The following PPP6R3 variants were observed in gnomAD, a reference collection of about 807,000 sequenced individuals.
The protein encoded by PPP6R3 is protein phosphatase 6 regulatory subunit 3, also known as serine/threonine-protein phosphatase 6 regulatory subunit 3.
In PPP6R3, 38 loss-of-function variants were observed where a neutral mutation model predicts 110.7. The ratio of observed to expected loss-of-function variants is 0.34; its 90% CI spans 0.26 to 0.45. The LOEUF is 0.45. Ranked by LOEUF, PPP6R3 falls within the 20% of genes least tolerant of loss-of-function variation. PPP6R3 has a pLI of 1.00. For synonymous variants in PPP6R3, 369 were observed against 373.5 expected (o/e 0.99, Z 0.14); for missense variants, 870 against 1,062.4 (o/e 0.82, Z 2.52).
chr11:68,517,181 C>G (rs1271031514), intron 1 of PPP6R3, among the ~76,000 whole-genome samples: 1 of 151,028 alleles, frequency 6.6e-6, no homozygotes, highest in Non-Finnish European at 1.5e-5. Context: ...TTTAGGCTTT[C>G]AATTTTCTTT....
intron 2 of PPP6R3, among the ~76,000 whole-genome samples, chr11:68,525,609 G>T (rs1375026044): frequency 6.6e-6 from 1 of 152,158 alleles, no homozygotes; most frequent in Non-Finnish European, 1.5e-5. Flanking sequence ...AAGTTTGCTA[G>T]GGAAGGAAGA....
intron 1 of PPP6R3, among the ~76,000 whole-genome samples, chr11:68,486,603 TAAAAAAAAAAAAAA>T (rs61408861): frequency 9.0e-6 from 1 of 111,682 alleles, no homozygotes; most frequent in African/African-American, 3.5e-5. Flanking sequence ...GACTCTGTCT[TAAAAAAAAAAAAAA>T]AAAAAAAAAA....
At chr11:68,589,118 A>G (rs887640969) in intron 16 of PPP6R3, among the ~76,000 whole-genome samples, 1 of 152,074 alleles carries the variant, frequency 6.6e-6, no homozygotes, top group Non-Finnish European at 1.5e-5. Context: ...CTGAGGTGGG[A>G]GAATCACTTG....
chr11:68,573,695 C>G (rs1022185929), intron 12 of PPP6R3, among the ~76,000 whole-genome samples: 27 of 152,108 alleles, frequency 1.8e-4, no homozygotes, highest in African/African-American at 6.5e-4. Context: ...AATGAACCAG[C>G]AGAATTCTTA....
intron 16 of PPP6R3, among the ~76,000 whole-genome samples, 185 bp from the exon 17 acceptor site, chr11:68,590,475 A>G (rs758671935): frequency 3.9e-4 from 60 of 152,216 alleles, no homozygotes; most frequent in Non-Finnish European, 7.6e-4. Flanking sequence ...CCTATCCTAC[A>G]TAAATTCATT....
At chr11:68,576,604 G>A (rs558193688) in intron 14 of PPP6R3, among the ~76,000 whole-genome samples, 6 of 144,206 alleles carry the variant, frequency 4.2e-5, no homozygotes, top group Non-Finnish European at 9.0e-5. Flanking sequence ...ACTTTGGAAT[G>A]TATTTTTTGG....
At chr11:68,556,551 G>GAAAAA (rs779111990) in intron 7 of PPP6R3, among the ~76,000 whole-genome samples, 1 of 108,786 alleles carries the variant, frequency 9.2e-6, no homozygotes, top group Non-Finnish European at 2.0e-5. Flanking sequence ...AAAAAAAAAC[G>GAAAAA]AAAAAAAAAA....
chr11:68,523,496 T>C (rs993181527), intron 2 of PPP6R3, among the ~76,000 whole-genome samples: 6 of 152,126 alleles, frequency 3.9e-5, no homozygotes, highest in African/African-American at 1.4e-4. Context: ...GTTATGGTCC[T>C]TTTTTTGTGT....
At chr11:68,483,090 T>C (rs1013945215) in intron 1 of PPP6R3, among the ~76,000 whole-genome samples, 14 of 152,226 alleles carry the variant, frequency 9.2e-5, no homozygotes, top group Non-Finnish European at 7.3e-5. Flanking sequence ...TTTAGAATTA[T>C]ATTGTTTAGT....
chr11:68,506,240 G>C (rs1168122535), intron 1 of PPP6R3, among the ~76,000 whole-genome samples: 1 of 150,334 alleles, frequency 6.7e-6, no homozygotes, highest in African/African-American at 2.4e-5. Flanking sequence ...TGAATAGCTG[G>C]GACTATAGGC....
chr11:68,613,369 C>T lies in PPP6R3; in HGVS notation c.*252C>T. 1 of 1,201,228 alleles carries T rather than the reference C, an allele frequency of 8.3e-7. No individual in the cohort carries two copies. The highest frequency in any genetic ancestry group is 3.3e-4 in the Middle Eastern group (1 of 3,034). 74.4% of individuals were successfully genotyped at this position (1,201,228 alleles called of 1,614,324 possible). A position where few individuals can be genotyped will look rare whatever the true frequency, so the allele number is the denominator to read the frequency against. On this transcript the variant is annotated 3_prime_UTR_variant, in exon 24 of 24. Transcript: ENST00000393800. The stretch of plus-strand genomic sequence containing the variant: ...TGTATTGTTCTAAATAATGGGTAGC[C>T]TGTGAAATAAGATCTTGCCACCCAT...
intron 1 of PPP6R3, among the ~76,000 whole-genome samples, chr11:68,501,787 T>G (rs1166210921): frequency 6.6e-6 from 1 of 152,254 alleles, no homozygotes; most frequent in East Asian, 1.9e-4. Flanking sequence ...TACCAATTTT[T>G]GGCCACTAAT....
At chr11:68,613,032 C>G in intron 23 of PPP6R3, 34 bp from the exon 24 acceptor site, 1 of 1,614,090 alleles carries the variant, frequency 6.2e-7, no homozygotes, top group South Asian at 1.1e-5. Context: ...ATTTCTGCTG[C>G]AAGTGCCTCC....
intron 16 of PPP6R3, among the ~76,000 whole-genome samples, chr11:68,588,539 G>T (rs1306210505): frequency 6.6e-6 from 1 of 151,828 alleles, no homozygotes; most frequent in African/African-American, 2.4e-5. Context: ...CTCACTGCAA[G>T]CTCCACCTCC....
At chr11:68,609,755 G>T in intron 22 of PPP6R3, 149 bp from the exon 23 acceptor site, 3 of 1,553,618 alleles carry the variant, frequency 1.9e-6, no homozygotes, top group Non-Finnish European at 2.7e-6. Context: ...GTGGTTGTGT[G>T]ATCGTGCACC....
chr11:68,596,008 C>T (rs371996426), intron 18 of PPP6R3, 89 bp from the exon 19 acceptor site: 1 of 1,531,778 alleles, frequency 6.5e-7, no homozygotes, highest in East Asian at 2.3e-5. Flanking sequence ...ACCACAGGAC[C>T]TTTTGTTGCT....
intron 1 of PPP6R3, among the ~76,000 whole-genome samples, chr11:68,485,459 C>T (rs2098941076): frequency 6.6e-6 from 1 of 152,064 alleles, no homozygotes; most frequent in South Asian, 2.1e-4. Context: ...TGCCCGCTTC[C>T]TGATCTTAGT....
intron 11 of PPP6R3, 98 bp from the exon 12 acceptor site, chr11:68,570,942 T>A: frequency 7.1e-7 from 1 of 1,412,944 alleles, no homozygotes. Context: ...CTTGCTAGAT[T>A]ATGCATACTA....
intron 1 of PPP6R3, among the ~76,000 whole-genome samples, chr11:68,504,527 TC>T (rs2099065177): frequency 2.6e-5 from 4 of 152,096 alleles, no homozygotes; most frequent in Admixed American, 2.0e-4. Flanking sequence ...TCTTACAATA[TC>T]TTTATGGATG....
Sources: allele counts gnomAD v4.1 joint callset (sites outside exome capture counted in the v4.1 genomes callset), GRCh38; gene constraint gnomAD v4.1.1; transcripts MANE v1.5; gene names NCBI Gene and HGNC (gene_info 2026-07-23, HGNC 2026-07-21).